Variants in PCDH15 observed in about 807,000 individuals in gnomAD.
PCDH15 encodes the protein protocadherin-15.
PCDH15 carries 129 observed loss-of-function variants against 178.5 expected under a neutral mutation model. The ratio of observed to expected loss-of-function variants is 0.72; its 90% CI spans 0.63 to 0.84. PCDH15 has a LOEUF of 0.84. PCDH15 is among the 40% of genes least tolerant of loss of function. PCDH15 has a pLI of 0.00. For missense variants in PCDH15, 2,230 were observed against 2,099.9 expected (o/e 1.06, Z -1.21); for synonymous variants, 800 against 732.0 (o/e 1.09, Z -1.50).
chr10:54,882,215 T>C (rs1271226853), intron 3 of PCDH15, among the ~76,000 whole-genome samples: 1 of 152,094 alleles, frequency 6.6e-6, no homozygotes, highest in Non-Finnish European at 1.5e-5. Flanking sequence ...ATATCACATT[T>C]CCAGTGTTGT....
At chr10:55,426,544 G>T (rs1307622474) in intron 2 of PCDH15, among the ~76,000 whole-genome samples, 1 of 152,148 alleles carries the variant, frequency 6.6e-6, no homozygotes, top group Non-Finnish European at 1.5e-5. Context: ...GAGTGTTACA[G>T]TGCTCTTTAG....
At chr10:54,085,948 A>AT (rs1196582754) in intron 16 of PCDH15, among the ~76,000 whole-genome samples, 1 of 152,114 alleles carries the variant, frequency 6.6e-6, no homozygotes. Context: ...ACATGTAAAT[A>AT]TTTTTTCATT....
At chr10:53,976,694 A>AT (rs11369305) in intron 21 of PCDH15, among the ~76,000 whole-genome samples, 60,892 of 151,510 alleles carry the variant, frequency 0.4, 13,194 homozygotes, top group Middle Eastern at 0.62. Context: ...ATTCGAGTAG[A>AT]TTTTTTTTGT....
intron 26 of PCDH15, among the ~76,000 whole-genome samples, chr10:53,877,027 TAAAGA>T (rs1365943206): frequency 6.6e-6 from 1 of 152,052 alleles, no homozygotes; most frequent in Non-Finnish European, 1.5e-5. Flanking sequence ...AGAAAGAAAC[TAAAGA>T]AAAGCCAAAT....
chr10:53,970,261 G>T (rs2089529864), intron 21 of PCDH15, among the ~76,000 whole-genome samples: 1 of 152,014 alleles, frequency 6.6e-6, no homozygotes, highest in African/African-American at 2.4e-5. Context: ...AAGAGACAAA[G>T]AAGGCCATTA....
chr10:55,095,404 T>C (rs1337068099), intron 2 of PCDH15, among the ~76,000 whole-genome samples: 3 of 152,062 alleles, frequency 2.0e-5, no homozygotes, highest in Non-Finnish European at 4.4e-5. Context: ...CTCAATTTAG[T>C]GGTATTTTAT....
intron 3 of PCDH15, among the ~76,000 whole-genome samples, chr10:54,814,776 A>G (rs912095993): frequency 6.6e-6 from 1 of 152,130 alleles, no homozygotes; most frequent in African/African-American, 2.4e-5. Context: ...TAGGATATAA[A>G]TAATTCCCAC....
At chr10:55,116,126 G>A (rs1837622901) in intron 2 of PCDH15, among the ~76,000 whole-genome samples, 1 of 152,168 alleles carries the variant, frequency 6.6e-6, no homozygotes, top group Non-Finnish European at 1.5e-5. Flanking sequence ...TGGACATTAT[G>A]ATAGGATAGG....
intron 8 of PCDH15, among the ~76,000 whole-genome samples, chr10:54,297,775 G>T (rs902146189): frequency 2.0e-5 from 3 of 152,178 alleles, no homozygotes; most frequent in Non-Finnish European, 4.4e-5. Flanking sequence ...CTTTTCAGAT[G>T]ATCCTGATAG....
intron 2 of PCDH15, among the ~76,000 whole-genome samples, chr10:55,347,465 C>A (rs948186254): frequency 6.6e-6 from 1 of 152,096 alleles, no homozygotes; most frequent in African/African-American, 2.4e-5. Flanking sequence ...ATGGCTTAAG[C>A]AACCATAAAT....
chr10:55,097,286 TA>T (rs776592639), intron 2 of PCDH15, among the ~76,000 whole-genome samples: 23 of 152,116 alleles, frequency 1.5e-4, no homozygotes, highest in Non-Finnish European at 2.5e-4. Flanking sequence ...AACAACATTA[TA>T]AGGTGGGTGT....
intron 2 of PCDH15, among the ~76,000 whole-genome samples, chr10:54,592,928 T>C (rs1422391200): frequency 6.6e-6 from 1 of 152,164 alleles, no homozygotes; most frequent in African/African-American, 2.4e-5. Context: ...TTCCTGATAA[T>C]TAATGTCATT....
intron 8 of PCDH15, among the ~76,000 whole-genome samples, chr10:54,291,493 A>G (rs2059400947): frequency 6.6e-6 from 1 of 152,212 alleles, no homozygotes; most frequent in African/African-American, 2.4e-5. Context: ...TGAAGGAGAT[A>G]GGGACACAAA....
chr10:53,809,255 C>CTGAT lies in PCDH15; in HGVS notation c.4671+1297_4671+1300dup, dbSNP rs1343032451. 1 of 1,613,840 alleles carries CTGAT rather than the reference C, an allele frequency of 6.2e-7. No homozygotes were observed. The highest frequency in any genetic ancestry group is 2.2e-5 in the East Asian group (1 of 44,874). On this transcript the variant is annotated intron_variant, in intron 37 of 37. Transcript: ENST00000644397. The stretch of plus-strand genomic sequence containing the variant: ...GTATAGTCGCTGGAGGATTCCTCCT[C>CTGAT]TGATTCTACAGTGCTTTCTGTTGCT...
intron 12 of PCDH15, among the ~76,000 whole-genome samples, chr10:54,184,464 G>A (rs7075877): frequency 0.32 from 48,081 of 151,828 alleles, 9,972 homozygotes; most frequent in East Asian, 0.86. Context: ...ATGTTTATGT[G>A]TGTGTGTGTA....
At chr10:53,959,932 G>A in intron 22 of PCDH15, 88 bp from the exon 23 acceptor site, 3 of 1,024,028 alleles carry the variant, frequency 2.9e-6, no homozygotes, top group African/African-American at 1.6e-5. Flanking sequence ...TTACTTATTG[G>A]ATTGCCTGGT....
At chr10:54,229,273 T>A (rs2053803660) in intron 9 of PCDH15, among the ~76,000 whole-genome samples, 1 of 152,162 alleles carries the variant, frequency 6.6e-6, no homozygotes, top group Non-Finnish European at 1.5e-5. Context: ...ATTTATAATG[T>A]TGACTTATAT....
In PCDH15 at chr10:54,185,277, A is replaced by G; in HGVS notation, c.1306-9T>C. 6.2e-7 allele frequency: 1 copy of G among 1,613,460 alleles called. No individual in the cohort carries two copies. The highest frequency in any genetic ancestry group is 8.5e-7 in the Non-Finnish European group (1 of 1,179,530). The stretch of plus-strand genomic sequence containing the variant: ...AGCTCTGGGTCTTTTGTCTTTGAAA[A>G]AAAATGACATCGTTTCAAACGTTGA... On this transcript the variant is annotated splice_polypyrimidine_tract_variant and intron_variant, in intron 11 of 37. Transcript: ENST00000644397.
chr10:54,395,763 C>A (rs1284207190), intron 3 of PCDH15, among the ~76,000 whole-genome samples: 1 of 152,024 alleles, frequency 6.6e-6, no homozygotes, highest in African/African-American at 2.4e-5. Context: ...ACATGAGTAC[C>A]ACATTTTTCA....
Sources: allele counts gnomAD v4.1 joint callset (sites outside exome capture counted in the v4.1 genomes callset), GRCh38; gene constraint gnomAD v4.1.1; transcripts MANE v1.5; gene names NCBI Gene and HGNC (gene_info 2026-07-23, HGNC 2026-07-21).